The following ALS2CL variants were observed in gnomAD, a reference collection of about 807,000 sequenced individuals.
The protein encoded by ALS2CL is ALS2 C-terminal like.
In ALS2CL, 112 loss-of-function variants were observed where a neutral mutation model predicts 127.9. That is an observed-to-expected ratio of 0.88 (90% CI 0.75 to 1.02). The LOEUF (loss-of-function observed/expected upper bound fraction) is 1.02. Ranked by LOEUF, ALS2CL falls within the 50% of genes least tolerant of loss-of-function variation. ALS2CL has a pLI of 0.00. For missense variants in ALS2CL, 1,174 were observed against 1,236.7 expected (o/e 0.95, Z 0.76); for synonymous variants, 519 against 527.6 (o/e 0.98, Z 0.22).
chr3:46,690,081 G>T (rs1700066143), intron 1 of ALS2CL, among the ~76,000 whole-genome samples: 1 of 152,192 alleles, frequency 6.6e-6, no homozygotes, highest in African/African-American at 2.4e-5. Context: ...TGAGAGTAAA[G>T]GCTCATGGGT....
Position 46,679,269 on chromosome 3 carries a change from AGAG to A in ALS2CL, c.1564_1566del (p.Leu522del). The A allele has an allele frequency of 6.3e-7, 1 of 1,589,504 alleles. No homozygotes were observed. Among genetic ancestry groups the A allele is most frequent in the South Asian group, 1.2e-5 (1 of 86,806 alleles). On this transcript the variant is annotated inframe_deletion, in exon 15 of 26. Coordinates refer to ENST00000318962, the MANE Select transcript of ALS2CL (RefSeq NM_147129.5). ...CCCTCATACAGGGAGTCGTCTTCAGAGAGGAGGATGCCCGGGCCCTTGGGGAGA... is the reference window on the plus strand; with the variant it reads ...CCCTCATACAGGGAGTCGTCTTCAGAGAGGATGCCCGGGCCCTTGGGGAGA...
chr3:46,677,740 C>T (rs1698978952), intron 16 of ALS2CL, among the ~76,000 whole-genome samples: 1 of 152,202 alleles, frequency 6.6e-6, no homozygotes, highest in Admixed American at 6.5e-5. Flanking sequence ...CAACTGTTTT[C>T]CAAGGAGGAA....
At chr3:46,676,194 G>T in intron 19 of ALS2CL, 51 bp downstream of exon 19, 1 of 1,588,114 alleles carries the variant, frequency 6.3e-7, no homozygotes, top group Non-Finnish European at 8.6e-7. Flanking sequence ...GCCTGGAAAG[G>T]GCACACTAGT....
chr3:46,678,000 CAAA>C (rs527464518), intron 16 of ALS2CL, among the ~76,000 whole-genome samples: 2 of 129,806 alleles, frequency 1.5e-5, no homozygotes, highest in Non-Finnish European at 3.3e-5. Context: ...CCTTTCGAGA[CAAA>C]AAAAAAAAAA....
chr3:46,675,571 A>G (rs1369058288), intron 20 of ALS2CL, 47 bp downstream of exon 20: 1 of 1,578,814 alleles, frequency 6.3e-7, no homozygotes, highest in African/African-American at 1.3e-5. Flanking sequence ...CAGACGCATG[A>G]GGCCTCCCTG....
chr3:46,679,324 G>A (rs1392363722), intron 14 of ALS2CL, 37 bp from the exon 15 acceptor site: 19 of 1,511,906 alleles, frequency 1.3e-5, no homozygotes, highest in Admixed American at 1.9e-5. Context: ...AGAAAGGGTG[G>A]GTGAGGAAGG....
chr3:46,676,123 C>A (rs1698792928), intron 19 of ALS2CL, 122 bp downstream of exon 19: 1 of 1,460,106 alleles, frequency 6.8e-7, no homozygotes, highest in Middle Eastern at 2.5e-4. Flanking sequence ...ACTGACCAAG[C>A]CTCTGGTTCA....
chr3:46,690,490 A>G (rs1200040057), intron 1 of ALS2CL, among the ~76,000 whole-genome samples: 1 of 152,160 alleles, frequency 6.6e-6, no homozygotes, highest in East Asian at 1.9e-4. Flanking sequence ...TGTCCTGCCT[A>G]AAGGGAGGGG....
At chr3:46,680,381 C>A in intron 14 of ALS2CL, 49 bp downstream of exon 14, 5 of 1,558,134 alleles carry the variant, frequency 3.2e-6, no homozygotes, top group Middle Eastern at 1.7e-4. Flanking sequence ...GTGCCCCCAG[C>A]GGGAGTGGGG....
Position 46,676,735 on chromosome 3 carries a change from G to T in ALS2CL, c.1935C>A (p.Thr645=), listed in dbSNP as rs779862439. The T allele has an allele frequency of 1.9e-6, 3 of 1,613,474 alleles. No individual in the cohort carries two copies. Among genetic ancestry groups the T allele is most frequent in the Non-Finnish European group, 2.5e-6 (3 of 1,179,936 alleles). Residue 645 remains threonine (T), a synonymous_variant, in exon 18 of 26, where the codon ACC becomes ACA. Coordinates refer to ENST00000318962, the MANE Select transcript of ALS2CL (RefSeq NM_147129.5). ...RSQDYLSCER[T]HPEDSVGSME... The stretch of plus-strand genomic sequence containing the variant: ...TACTGCCCACACTGTCCTCAGGGTG[G>T]GTCCTGGGCACCACACACAGCATCC...
chr3:46,685,815 G>A (rs1033472766), intron 6 of ALS2CL, among the ~76,000 whole-genome samples, 171 bp from the exon 7 acceptor site: 1 of 152,172 alleles, frequency 6.6e-6, no homozygotes, highest in African/African-American at 2.4e-5. Flanking sequence ...ATACATTCCT[G>A]GCTCTCTTGA....
rs542466118 is a variant in ALS2CL, at chr3:46,681,801, C to A, written c.1176-203G>T. Among the ~76,000 whole-genome samples the A allele has an allele frequency of 2.0e-5, 3 of 152,266 alleles. No individual in the cohort carries two copies. The highest frequency in any genetic ancestry group is 4.4e-5 in the Non-Finnish European group (3 of 68,012). On this transcript the variant is annotated intron_variant, in intron 11 of 25. Transcript: ENST00000318962. This position sits in a 1 kb window ranked among gnomAD's most constrained non-coding sequence, Gnocchi z 4.9. ...GCCTGGTCCCGAGCACCTTGGAGCA[C>A]CTTTTGGCCTGTACCACTCCCTCTG...
Position 46,674,674 on chromosome 3 carries a change from G to T in ALS2CL, c.2321C>A (p.Thr774Lys), listed in dbSNP as rs538322071. 10 of 1,614,042 alleles carry T rather than the reference G, an allele frequency of 6.2e-6. No individual in the cohort carries two copies. The highest frequency in any genetic ancestry group is 8.5e-6 in the Non-Finnish European group (10 of 1,180,026). Residue 774 changes from threonine (T) to lysine (K), a missense_variant, in exon 21 of 26, where the codon ACG (threonine) becomes AAG (lysine). Physicochemically the swap from Thr to Lys is moderately conservative, Grantham distance 78 (BLOSUM62 -1). Coordinates refer to ENST00000318962, the MANE Select transcript of ALS2CL (RefSeq NM_147129.5). ...CCGCTCATGAAGCAGCAGGTAGAGC[G>T]TGAAGAGCTCTGAGTAGAAGCTGGG... Reference protein sequence around the residue: ...MLPSFYSELFTLYLLLHERED... With the variant: ...MLPSFYSELFKLYLLLHERED...
intron 9 of ALS2CL, 99 bp downstream of exon 9, chr3:46,683,683 C>A (rs996426482): frequency 6.9e-7 from 1 of 1,439,814 alleles, no homozygotes; most frequent in South Asian, 1.2e-5. Context: ...AGACACTCGC[C>A]GGCACTCCTG....
rs556923596 is a variant in ALS2CL, at chr3:46,672,583, G to C, written c.2473-382C>G. On this transcript the variant is annotated intron_variant, in intron 22 of 25. Coordinates refer to ENST00000318962, the MANE Select transcript of ALS2CL (RefSeq NM_147129.5). ...TGCATTTCTGACTCGGTAGGTCTGAGGTGGTTCCAAGAATCTGCTTTCCTA... is the reference window on the plus strand; with the variant it reads ...TGCATTTCTGACTCGGTAGGTCTGACGTGGTTCCAAGAATCTGCTTTCCTA... Among the ~76,000 whole-genome samples the C allele has an allele frequency of 4.5e-4, 69 of 152,288 alleles. 1 individual carries two copies. Among genetic ancestry groups the C allele is most frequent in the African/African-American group, 1.5e-3 (64 of 41,570 alleles).
chr3:46,674,613 C>T lies in ALS2CL; in HGVS notation c.2382G>A (p.Leu794=), dbSNP rs568654688. ...DSFYSQGIAN[L]SLFPDTQLLE... ...GCAGTTGGGTATCAGGAAAGAGGCT[C>T]AAGTTGGCAATGCCCTGGCTGTAGA... Residue 794 remains leucine, a synonymous_variant, in exon 21 of 26, where the codon TTG becomes TTA. Coordinates refer to ENST00000318962, the MANE Select transcript of ALS2CL (RefSeq NM_147129.5). The T allele has an allele frequency of 6.2e-7, 1 of 1,614,080 alleles. No individual in the cohort carries two copies. Among genetic ancestry groups the T allele is most frequent in the Non-Finnish European group, 8.5e-7 (1 of 1,180,000 alleles).
Position 46,672,184 on chromosome 3 carries a change from C to T in ALS2CL, c.2490G>A (p.Arg830=), listed in dbSNP as rs369596510. Residue 830 remains arginine, a synonymous_variant, in exon 23 of 26, where the codon AGG becomes AGA. Coordinates refer to ENST00000318962, the MANE Select transcript of ALS2CL (RefSeq NM_147129.5). ...CGGTGGCTGACAGGAAACACTTGTCCCTGACCAGGGAGTACCTCTGCATGG... is the reference window on the plus strand; with the variant it reads ...CGGTGGCTGACAGGAAACACTTGTCTCTGACCAGGGAGTACCTCTGCATGG... The part of the protein sequence containing the change: ...LTSNQRYSLV[R]DKCFLSATEC... The T allele has an allele frequency of 1.7e-5, 28 of 1,613,972 alleles. No individual in the cohort carries two copies. Among genetic ancestry groups the T allele is most frequent in the Non-Finnish European group, 2.4e-5 (28 of 1,180,024 alleles).
In ALS2CL at chr3:46,683,867, T is replaced by C; in HGVS notation, c.846-19A>G. Reference sequence around the variant, plus strand: ...CGTGCACCTAGACAGACGGAGGTGATGAGTAGGCCCCAGCTTTGTCCAGGA... The same window carrying C: ...CGTGCACCTAGACAGACGGAGGTGACGAGTAGGCCCCAGCTTTGTCCAGGA... On this transcript the variant is annotated intron_variant, in intron 8 of 25. Transcript: ENST00000318962. The C allele has an allele frequency of 6.2e-7, 1 of 1,613,978 alleles. No individual in the cohort carries two copies. The highest frequency in any genetic ancestry group is 8.5e-7 in the Non-Finnish European group (1 of 1,179,948).
chr3:46,679,218 T>C lies in ALS2CL; in HGVS notation c.1618A>G (p.Met540Val), dbSNP rs1575424135. 1.3e-6 allele frequency: 2 copies of C among 1,567,072 alleles called. No homozygotes were observed. Among genetic ancestry groups the C allele is most frequent in the South Asian group, 1.2e-5 (1 of 84,846 alleles). ...EGTFTRDLTL[M>V]GKGKVTFPNG... is the part of the protein sequence containing the mutation. Reference sequence around the variant, plus strand: ...GCCTCAGTGGTCCTCACCTTCCCCATGAGGGTCAGGTCCCTGGTGAAGGTG... The same window carrying C: ...GCCTCAGTGGTCCTCACCTTCCCCACGAGGGTCAGGTCCCTGGTGAAGGTG... The change falls in exon 15 of 26, where the codon ATG becomes GTG. Residue 540 changes from methionine to valine, a missense_variant. Transcript: ENST00000318962.
Sources: allele counts gnomAD v4.1 joint callset (sites outside exome capture counted in the v4.1 genomes callset), GRCh38; gene constraint gnomAD v4.1.1; non-coding constraint Gnocchi (gnomAD v3.1); transcripts MANE v1.5; gene names NCBI Gene and HGNC (gene_info 2026-07-23, HGNC 2026-07-21).